RNF149: variants seen among roughly 807,000 people sequenced by gnomAD.
RNF149 encodes the protein ring finger protein 149.
Under a neutral mutation model 39.0 loss-of-function variants are expected in RNF149, and 21 were observed. That is an observed-to-expected ratio of 0.54 (90% CI 0.38 to 0.77). The LOEUF (loss-of-function observed/expected upper bound fraction) is 0.77. RNF149 is among the 30% of genes least tolerant of loss of function. RNF149 has a pLI of 0.00. For missense variants in RNF149, 493 were observed against 534.9 expected (o/e 0.92, Z 0.77); for synonymous variants, 209 against 213.6 (o/e 0.98, Z 0.19).
At position 101,297,499 on chromosome 2, in the gene RNF149, G is replaced by A. The variant is rs548537628; in HGVS notation, c.461-2318C>T. ...AGCTTCCTGAGCAGCTGGGACCACA[G>A]GCACACACCACTACACCTGGCTAAT... On this transcript the variant is annotated intron_variant, in intron 1 of 6. Coordinates refer to ENST00000295317, the MANE Select transcript of RNF149 (RefSeq NM_173647.4). 2.2e-3 allele frequency among the ~76,000 whole-genome samples: 328 copies of A among 151,958 alleles called. 1 individual carries two copies. The highest frequency in any genetic ancestry group is 7.6e-3 in the African/African-American group (313 of 41,434).
At chr2:101,299,934 C>T (rs991171597) in intron 1 of RNF149, among the ~76,000 whole-genome samples, 1 of 152,216 alleles carries the variant, frequency 6.6e-6, no homozygotes, top group Non-Finnish European at 1.5e-5. Context: ...GGATCACAGG[C>T]TTCACAGCCA....
In RNF149 at chr2:101,299,697, T is replaced by C. The variant is rs1683378774; in HGVS notation, c.461-4516A>G. Among the ~76,000 whole-genome samples the C allele has an allele frequency of 2.0e-5, 3 of 152,238 alleles. No individual in the cohort carries two copies. In the South Asian group the frequency reaches 6.2e-4, roughly 31 times the overall value. On this transcript the variant is annotated intron_variant, in intron 1 of 6. Transcript: ENST00000295317. ...AAACTAAACTATGCTATGATGACAG[T>C]TGAATCAATTTCTGGTACTGATACC...
At chr2:101,290,408 C>T (rs1219117038) in intron 3 of RNF149, among the ~76,000 whole-genome samples, 3 of 152,170 alleles carry the variant, frequency 2.0e-5, no homozygotes, top group Non-Finnish European at 4.4e-5. Flanking sequence ...GAAGAAAACA[C>T]TTTTGTACAG....
chr2:101,293,203 A>G (rs1683089386), intron 3 of RNF149, among the ~76,000 whole-genome samples: 1 of 152,154 alleles, frequency 6.6e-6, no homozygotes, highest in South Asian at 2.1e-4. Context: ...TTAAGGTCAA[A>G]GAAAGAGATA....
In RNF149 at chr2:101,308,301, G is replaced by A. The variant is rs1301923313; in HGVS notation, c.288C>T (p.Phe96=). The change falls in exon 1 of 7, where the codon TTC becomes TTT. Residue 96 remains phenylalanine (F), a synonymous_variant. Transcript: ENST00000295317. ...CTCGGCCGCCGGGCTCGGGCACGAAGAAGCGCGTGTCGGGCGCGCAGCCCT... is the reference window on the plus strand; with the variant it reads ...CTCGGCCGCCGGGCTCGGGCACGAAAAAGCGCGTGTCGGGCGCGCAGCCCT... The part of the protein sequence containing the change: ...DLEGCAPDTR[F]FVPEPGGRGA... 1.3e-6 allele frequency: 2 copies of A among 1,582,518 alleles called. No individual in the cohort carries two copies. Among genetic ancestry groups the A allele is most frequent in the African/African-American group, 2.8e-5 (2 of 71,914 alleles).
At chr2:101,275,429 TTC>T (rs1682302689), downstream of RNF149, among the ~76,000 whole-genome samples, 1 of 105,774 alleles carries the variant, frequency 9.5e-6, no homozygotes, top group Non-Finnish European at 1.9e-5. Context: ...CCCCTAGTAT[TTC>T]TTTTTTTTTT....
chr2:101,275,441 T>C (rs1682305448), downstream of RNF149, among the ~76,000 whole-genome samples: 1 of 87,632 alleles, frequency 1.1e-5, no homozygotes. Flanking sequence ...CTTTTTTTTT[T>C]TTTTTTTTTT....
chr2:101,276,394 T>A lies in RNF149; in HGVS notation c.*844A>T. The A allele has an allele frequency of 5.1e-6, 5 of 985,862 alleles. No homozygotes were observed. The highest frequency in any genetic ancestry group is 1.0e-3 in the Middle Eastern group (2 of 1,914). 61.1% of individuals were successfully genotyped at this position (985,862 alleles called of 1,614,324 possible). On this transcript the variant is annotated 3_prime_UTR_variant, in exon 7 of 7. Coordinates refer to ENST00000295317, the MANE Select transcript of RNF149 (RefSeq NM_173647.4). Reference sequence around the variant, plus strand: ...ACTCTAATCAAGAAAACTGGTTATTTCGAGTCAACAACAAAAACTAAAATT... The same window carrying A: ...ACTCTAATCAAGAAAACTGGTTATTACGAGTCAACAACAAAAACTAAAATT...
downstream of RNF149, chr2:101,273,010 GAC>G (rs1390915426): frequency 7.4e-7 from 1 of 1,352,588 alleles, no homozygotes; most frequent in Admixed American, 1.9e-5. Context: ...TGCTGATGGA[GAC>G]ACTGCAATTC....
At position 101,301,236 on chromosome 2, in the gene RNF149, C is replaced by G. The variant is rs764293596; in HGVS notation, c.461-6055G>C. Among the ~76,000 whole-genome samples the G allele has an allele frequency of 2.4e-4, 30 of 127,198 alleles. 1 individual carries two copies. The highest frequency in any genetic ancestry group is 1.1e-4 in the Non-Finnish European group (6 of 56,310). 83.4% of individuals were successfully genotyped at this position (127,198 alleles called of 152,430 possible). ...CAGGAAAATTTCCTGAAGGCAATTT[C>G]TGTTTTTTTTTTGTTTTACACTTAG... On this transcript the variant is annotated intron_variant, in intron 1 of 6. Transcript: ENST00000295317.
chr2:101,291,484 C>T (rs1185561449), intron 3 of RNF149, among the ~76,000 whole-genome samples: 2 of 151,462 alleles, frequency 1.3e-5, no homozygotes, highest in African/African-American at 4.9e-5. Context: ...GGTTTCGCCA[C>T]GTTGCCCAGG....
intron 1 of RNF149, among the ~76,000 whole-genome samples, chr2:101,299,176 G>A (rs1683356376): frequency 6.6e-6 from 1 of 152,120 alleles, no homozygotes; most frequent in Non-Finnish European, 1.5e-5. Context: ...AAAAAATAAT[G>A]TGAAAGGGTA....
chr2:101,288,734 AAGTCAATCTACGACAAAGATACTTAACG>A, intron 4 of RNF149: 1 of 393,320 alleles, frequency 2.5e-6, no homozygotes, highest in Non-Finnish European at 4.6e-6. Flanking sequence ...AGAAGACTAA[AAGTCAATCTACGACAAAGATACTTAACG>A]AGTCTTAGTG....
intron 6 of RNF149, among the ~76,000 whole-genome samples, chr2:101,278,829 C>G (rs1381030538): frequency 6.6e-6 from 1 of 152,128 alleles, no homozygotes. Flanking sequence ...CACACCCAAC[C>G]AAATATTTTG....
At chr2:101,300,982 C>T (rs1482883421) in intron 1 of RNF149, among the ~76,000 whole-genome samples, 1 of 152,190 alleles carries the variant, frequency 6.6e-6, no homozygotes, top group East Asian at 1.9e-4. Flanking sequence ...TTATTGTGCA[C>T]CACCCTTCCT....
At chr2:101,273,692 T>G (rs967205449), downstream of RNF149, among the ~76,000 whole-genome samples, 2 of 152,058 alleles carry the variant, frequency 1.3e-5, no homozygotes, top group Admixed American at 1.3e-4. Flanking sequence ...AGGCTAGTCT[T>G]GAATTCCTGG....
At chr2:101,297,929 G>C (rs577492504) in intron 1 of RNF149, among the ~76,000 whole-genome samples, 1 of 152,310 alleles carries the variant, frequency 6.6e-6, no homozygotes, top group South Asian at 2.1e-4. Context: ...GATTGGCAAA[G>C]ATCAAAAAGT....
chr2:101,271,908 T>C (rs781566281), downstream of RNF149, among the ~76,000 whole-genome samples: 7 of 152,252 alleles, frequency 4.6e-5, no homozygotes, highest in African/African-American at 9.6e-5. Flanking sequence ...AGTGTACATA[T>C]ACATTTACAC....
chr2:101,286,239 A>T (rs993109322), intron 4 of RNF149, 62 bp from the exon 5 acceptor site: 6 of 988,560 alleles, frequency 6.1e-6, no homozygotes, highest in Admixed American at 1.9e-5. Context: ...TTATAAAGGA[A>T]ATAAGACATT....
Sources: allele counts gnomAD v4.1 joint callset (sites outside exome capture counted in the v4.1 genomes callset), GRCh38; gene constraint gnomAD v4.1.1; transcripts MANE v1.5; gene names NCBI Gene and HGNC (gene_info 2026-07-23, HGNC 2026-07-21).